The following OPN5 variants were observed in gnomAD, a reference collection of about 807,000 sequenced individuals.
OPN5 encodes opsin-5.
OPN5 carries 18 observed loss-of-function variants against 41.7 expected under a neutral mutation model. The ratio of observed to expected loss-of-function variants is 0.43; its 90% CI spans 0.30 to 0.64. The LOEUF (loss-of-function observed/expected upper bound fraction) is 0.64. Ranked by LOEUF, OPN5 falls within the 30% of genes least tolerant of loss-of-function variation. The pLI is 0.13. For missense variants in OPN5, 318 were observed against 434.5 expected, an observed-to-expected ratio of 0.73 and a Z score of 2.38; for synonymous variants, 178 against 164.3, an observed-to-expected ratio of 1.08 and a Z score of -0.64.
At chr6:47,795,759 T>C (rs1313449949) in intron 4 of OPN5, among the ~76,000 whole-genome samples, 196 bp downstream of exon 4, 4 of 127,724 alleles carry the variant, frequency 3.1e-5, no homozygotes, top group East Asian at 2.4e-4. Flanking sequence ...CCCACTTCTC[T>C]CTTCTCTCTC....
chr6:47,814,856 T>A (rs2114000894), intron 6 of OPN5, among the ~76,000 whole-genome samples: 1 of 152,270 alleles, frequency 6.6e-6, no homozygotes, highest in African/African-American at 2.4e-5. Context: ...TCCTTTGGGT[T>A]CTCATAACTG....
intron 6 of OPN5, among the ~76,000 whole-genome samples, chr6:47,816,421 A>G (rs929891613): frequency 6.6e-6 from 1 of 152,124 alleles, no homozygotes; most frequent in Non-Finnish European, 1.5e-5. Flanking sequence ...GGGCTTTTGC[A>G]AGGTCTTCTA....
chr6:47,820,455 C>T (rs1762586318), intron 6 of OPN5, among the ~76,000 whole-genome samples: 1 of 152,146 alleles, frequency 6.6e-6, no homozygotes, highest in Non-Finnish European at 1.5e-5. Flanking sequence ...CTTCTTTCAT[C>T]TCGCTTGATT....
intron 4 of OPN5, among the ~76,000 whole-genome samples, chr6:47,805,889 T>C (rs1773941106): frequency 6.6e-6 from 1 of 152,200 alleles, no homozygotes; most frequent in Admixed American, 6.6e-5. Flanking sequence ...ATACCTGGCA[T>C]AGCTCCATCC....
exon 5 of OPN5, chr6:47,808,162 G>A (rs763362808): frequency 1.2e-6 from 2 of 1,613,834 alleles, no homozygotes; most frequent in South Asian, 1.1e-5. Flanking sequence ...AGGTAGCGAT[G>A]TTGATTTGTG....
intron 5 of OPN5, among the ~76,000 whole-genome samples, chr6:47,809,806 T>C (rs898147851): frequency 6.6e-6 from 1 of 152,252 alleles, no homozygotes; most frequent in African/African-American, 2.4e-5. Context: ...ATGTCCTCAC[T>C]GGCTATTGAT....
chr6:47,784,979 C>T (rs1305252727), intron 1 of OPN5, among the ~76,000 whole-genome samples: 2 of 152,118 alleles, frequency 1.3e-5, no homozygotes, highest in African/African-American at 4.8e-5. Context: ...GAATAATTTA[C>T]ATGCAATGAA....
At chr6:47,797,801 T>C (rs2113967779) in intron 4 of OPN5, among the ~76,000 whole-genome samples, 1 of 152,332 alleles carries the variant, frequency 6.6e-6, no homozygotes, top group East Asian at 1.9e-4. Context: ...CATGAGGCTC[T>C]TCTTCAGTTT....
At chr6:47,802,713 C>T (rs1162412380) in intron 4 of OPN5, among the ~76,000 whole-genome samples, 3 of 152,138 alleles carry the variant, frequency 2.0e-5, no homozygotes, top group Non-Finnish European at 4.4e-5. Flanking sequence ...TGAAGTCTCT[C>T]CTGTTTTGTT....
At chr6:47,782,089 T>C (rs1773106198) in exon 1 of OPN5, 2 of 1,613,650 alleles carry the variant, frequency 1.2e-6, no homozygotes, top group East Asian at 2.2e-5. Flanking sequence ...CACACTGCCC[T>C]GCCTCAGGAC....
At chr6:47,799,545 A>G (rs1362113521) in intron 4 of OPN5, among the ~76,000 whole-genome samples, 1 of 152,136 alleles carries the variant, frequency 6.6e-6, no homozygotes, top group East Asian at 1.9e-4. Context: ...GTCACTTTGC[A>G]TCTTTGTTGT....
chr6:47,816,450 G>T (rs1361561920), intron 6 of OPN5, among the ~76,000 whole-genome samples: 1 of 152,086 alleles, frequency 6.6e-6, no homozygotes, highest in Non-Finnish European at 1.5e-5. Flanking sequence ...TTCAATCATT[G>T]CCAAGCCAAT....
At chr6:47,798,576 T>C (rs951665786) in intron 4 of OPN5, among the ~76,000 whole-genome samples, 1 of 150,764 alleles carries the variant, frequency 6.6e-6, no homozygotes, top group African/African-American at 2.4e-5. Flanking sequence ...TGATATCACA[T>C]AATATGTAAT....
chr6:47,796,630 A>G (rs1157383198), intron 4 of OPN5, among the ~76,000 whole-genome samples: 1 of 152,174 alleles, frequency 6.6e-6, no homozygotes, highest in African/African-American at 2.4e-5. Flanking sequence ...GTTGATTGGT[A>G]TCCTACCCTC....
chr6:47,801,190 G>C (rs1773757561), intron 4 of OPN5, among the ~76,000 whole-genome samples: 1 of 152,178 alleles, frequency 6.6e-6, no homozygotes, highest in Non-Finnish European at 1.5e-5. Flanking sequence ...TGTGGGTCCT[G>C]TTTGCCACTG....
intron 4 of OPN5, among the ~76,000 whole-genome samples, chr6:47,806,139 G>A (rs1254908934): frequency 6.6e-6 from 1 of 151,778 alleles, no homozygotes; most frequent in African/African-American, 2.4e-5. Flanking sequence ...ACATACACTG[G>A]GAAGGTGGAA....
intron 4 of OPN5, among the ~76,000 whole-genome samples, chr6:47,803,489 C>T (rs1038238556): frequency 1.3e-5 from 2 of 152,202 alleles, no homozygotes; most frequent in Non-Finnish European, 1.5e-5. Flanking sequence ...GTGCATTCTT[C>T]CTGTTCCCTA....
chr6:47,795,520 G>A, exon 4 of OPN5: 3 of 1,614,062 alleles, frequency 1.9e-6, no homozygotes, highest in Non-Finnish European at 2.5e-6. Flanking sequence ...CATTTCGACA[G>A]TCGGATCCAT....
At chr6:47,812,240 G>T (rs1762267867) in intron 6 of OPN5, among the ~76,000 whole-genome samples, 1 of 152,092 alleles carries the variant, frequency 6.6e-6, no homozygotes, top group Non-Finnish European at 1.5e-5. Context: ...TTCCACAAAG[G>T]AGTCCTCTGG....
Sources: allele counts gnomAD v4.1 joint callset (sites outside exome capture counted in the v4.1 genomes callset), GRCh38; gene constraint gnomAD v4.1.1; transcripts MANE v1.5; gene names NCBI Gene and HGNC (gene_info 2026-07-23, HGNC 2026-07-21).